The following MAD1L1 variants were observed in gnomAD, a reference collection of about 807,000 sequenced individuals.
MAD1L1 encodes mitotic arrest deficient 1 like 1.
MAD1L1 carries 95 observed loss-of-function variants against 96.9 expected under a neutral mutation model. The observed-to-expected ratio is 0.98, with a 90% CI of 0.83 to 1.16. The LOEUF (loss-of-function observed/expected upper bound fraction) is 1.16, where lower values mean the gene tolerates loss of function less well. Ranked by LOEUF, MAD1L1 falls within the 50% of genes most tolerant of loss-of-function variation. MAD1L1 has a pLI of 0.00. For synonymous variants in MAD1L1, 473 were observed against 396.6 expected (o/e 1.19, Z -2.29); for missense variants, 1,007 against 954.4 (o/e 1.06, Z -0.73).
intron 13 of MAD1L1, among the ~76,000 whole-genome samples, chr7:2,005,399 C>T (rs185614797): frequency 5.9e-5 from 9 of 152,324 alleles, no homozygotes; most frequent in Admixed American, 5.9e-4. Flanking sequence ...TGAAAACTTA[C>T]AATCTGTGCA....
At chr7:2,124,225 G>A (rs1318622875) in intron 11 of MAD1L1, among the ~76,000 whole-genome samples, 1 of 152,202 alleles carries the variant, frequency 6.6e-6, no homozygotes, top group Non-Finnish European at 1.5e-5. Flanking sequence ...GACCCACAAG[G>A]GTCGAGACAT....
intron 11 of MAD1L1, among the ~76,000 whole-genome samples, chr7:2,098,123 G>A (rs913285257): frequency 1.3e-5 from 2 of 152,180 alleles, no homozygotes; most frequent in Non-Finnish European, 2.9e-5. Context: ...GAGGACGCCC[G>A]CGACTTCAGA....
chr7:2,221,482 C>A (rs1011176033), intron 5 of MAD1L1, among the ~76,000 whole-genome samples: 1 of 151,966 alleles, frequency 6.6e-6, no homozygotes, highest in South Asian at 2.1e-4. Context: ...CCAGGACCCC[C>A]GCTGCACGCC....
intron 18 of MAD1L1, among the ~76,000 whole-genome samples, chr7:1,830,186 C>G (rs1283226693): frequency 6.6e-6 from 1 of 152,234 alleles, no homozygotes; most frequent in Non-Finnish European, 1.5e-5. Context: ...CACCTGAGGT[C>G]AGGAGTTCAA....
chr7:2,061,868 G>A (rs982533820), intron 12 of MAD1L1, among the ~76,000 whole-genome samples: 1 of 152,236 alleles, frequency 6.6e-6, no homozygotes, highest in Non-Finnish European at 1.5e-5. Context: ...CAACACACAT[G>A]ACTCTCACAA....
chr7:2,232,212 GCA>G (rs1370359047), intron 1 of MAD1L1, among the ~76,000 whole-genome samples: 1 of 152,218 alleles, frequency 6.6e-6, no homozygotes, highest in Non-Finnish European at 1.5e-5. Flanking sequence ...TTCTGCAGCT[GCA>G]CAGTTTCTGA....
At chr7:2,065,864 GAA>G (rs1784856370) in intron 12 of MAD1L1, among the ~76,000 whole-genome samples, 1 of 152,192 alleles carries the variant, frequency 6.6e-6, no homozygotes, top group Non-Finnish European at 1.5e-5. Context: ...TCTGTCATTT[GAA>G]AAGTTTCTTG....
chr7:2,218,140 C>G, intron 6 of MAD1L1, 97 bp from the exon 7 acceptor site: 1 of 885,272 alleles, frequency 1.1e-6, no homozygotes, highest in Non-Finnish European at 1.9e-6. Context: ...GACCCACATA[C>G]GTTCATTCCC....
At chr7:1,922,411 C>T (rs1212272775) in intron 17 of MAD1L1, among the ~76,000 whole-genome samples, 1 of 152,202 alleles carries the variant, frequency 6.6e-6, no homozygotes, top group East Asian at 1.9e-4. Flanking sequence ...ATTTCGGTTT[C>T]CACATGTGCA....
In MAD1L1 at chr7:1,834,858, A is replaced by AC. The variant is rs545445674; in HGVS notation, c.1999-18631dup. Among the ~76,000 whole-genome samples the AC allele has an allele frequency of 5.2e-3, 786 of 151,902 alleles. 6 individuals carry two copies. The highest frequency in any genetic ancestry group is 0.011 in the African/African-American group (442 of 41,404). On this transcript the variant is annotated intron_variant, in intron 18 of 18. Coordinates refer to ENST00000265854, the MANE Select transcript of MAD1L1 (RefSeq NM_001013836.2). ...CAAATCAGAAGACATTACAAGCCGCACCCCCCCAAAACTATGGAACAACCC... is the reference window on the plus strand; with the variant it reads ...CAAATCAGAAGACATTACAAGCCGCACCCCCCCCAAAACTATGGAACAACCC...
chr7:1,932,727 G>C (rs757206465), intron 17 of MAD1L1, among the ~76,000 whole-genome samples: 2 of 152,220 alleles, frequency 1.3e-5, no homozygotes, highest in African/African-American at 4.8e-5. Context: ...AGCCTCTCCC[G>C]GGAGGCAGGG....
intron 11 of MAD1L1, among the ~76,000 whole-genome samples, chr7:2,081,602 C>CA (rs894549815): frequency 6.6e-6 from 1 of 152,226 alleles, no homozygotes; most frequent in African/African-American, 2.4e-5. Flanking sequence ...TCATGCACCC[C>CA]TTCACTCCCT....
chr7:2,222,576 T>G lies in MAD1L1; in HGVS notation c.470A>C (p.Glu157Ala). 1 of 1,595,224 alleles carries G rather than the reference T, an allele frequency of 6.3e-7. No individual in the cohort carries two copies. Among genetic ancestry groups the G allele is most frequent in the South Asian group, 1.1e-5 (1 of 89,280 alleles). ...EKEDSLAQAG[E>A]TINALKGRIS... ...CTGCGCAGCAGAGGCCCCGCTCACC[T>G]CGCCAGCCTGGGCCAGACTGTCCTC... The change falls in exon 5 of 19, where the codon GAG (glutamate) becomes GCG (alanine). Residue 157 changes from glutamate to alanine, a missense_variant and splice_region_variant. Coordinates refer to ENST00000265854, the MANE Select transcript of MAD1L1 (RefSeq NM_001013836.2).
At chr7:1,957,335 C>G (rs1779767617) in intron 16 of MAD1L1, among the ~76,000 whole-genome samples, 1 of 152,232 alleles carries the variant, frequency 6.6e-6, no homozygotes, top group African/African-American at 2.4e-5. Context: ...AGCAGTCCAG[C>G]CTCGCCACAG....
At chr7:2,055,856 G>C (rs1347873367) in intron 12 of MAD1L1, among the ~76,000 whole-genome samples, 1 of 152,056 alleles carries the variant, frequency 6.6e-6, no homozygotes, top group African/African-American at 2.4e-5. Flanking sequence ...GCAGGCGCCT[G>C]TAATCCCAGC....
intron 18 of MAD1L1, among the ~76,000 whole-genome samples, chr7:1,888,314 ATGTG>A (rs142592855): frequency 1.6e-4 from 13 of 82,610 alleles, no homozygotes; most frequent in African/African-American, 1.5e-4. Flanking sequence ...GTGACTGCCT[ATGTG>A]TGTGTGTGCA....
intron 12 of MAD1L1, among the ~76,000 whole-genome samples, chr7:2,056,798 G>A (rs558198023): frequency 3.9e-5 from 6 of 152,332 alleles, no homozygotes; most frequent in African/African-American, 7.2e-5. Flanking sequence ...GGCCGATCGC[G>A]GAGAGGAACA....
At position 2,114,050 on chromosome 7, in the gene MAD1L1, G is replaced by A. The variant is rs1309761037; in HGVS notation, c.1073+35102C>T. Among the ~76,000 whole-genome samples the A allele has an allele frequency of 3.3e-5, 5 of 152,188 alleles. No homozygotes were observed. The highest frequency in any genetic ancestry group is 1.2e-4 in the African/African-American group (5 of 41,442). ...CAAGACCTGAACGCAGTCAGGACCC[G>A]CGCCTGCTGCACCCAGGCCTTACAG... On this transcript the variant is annotated intron_variant, in intron 11 of 18. Coordinates refer to ENST00000265854, the MANE Select transcript of MAD1L1 (RefSeq NM_001013836.2). The surrounding 1 kb of genome is among the most constrained non-coding windows in gnomAD (Gnocchi z 4.2).
At chr7:2,060,177 G>A (rs1784581504) in intron 12 of MAD1L1, among the ~76,000 whole-genome samples, 2 of 145,262 alleles carry the variant, frequency 1.4e-5, no homozygotes, top group African/African-American at 5.4e-5. Context: ...ATACGCCGAT[G>A]CCGAGATACA....
Sources: gnomAD v4.1 joint callset for allele counts (sites outside exome capture counted in the v4.1 genomes callset) on GRCh38, gnomAD v4.1.1 for gene constraint, Gnocchi (gnomAD v3.1) non-coding constraint, MANE v1.5 for transcripts, NCBI Gene and HGNC (gene_info 2026-07-23, HGNC 2026-07-21) for gene names.